HCN1: variants seen among roughly 807,000 people sequenced by gnomAD.
HCN1 encodes hyperpolarization activated cyclic nucleotide gated potassium channel 1.
In HCN1, 13 loss-of-function variants were observed where a neutral mutation model predicts 78.9. That is an observed-to-expected ratio of 0.16 (90% CI 0.11 to 0.26). The LOEUF (loss-of-function observed/expected upper bound fraction) is 0.26, where lower values mean the gene tolerates loss of function less well. Among genes scored for constraint, HCN1 ranks in the 10% least tolerant of loss-of-function variants. The probability of loss-of-function intolerance (pLI) is 1.00; values close to 1 mark genes in which losing one functional copy is unlikely to be tolerated. For missense variants in HCN1, 810 were observed against 1,154.3 expected, an observed-to-expected ratio of 0.70 and a Z score of 4.32; for synonymous variants, 552 against 455.5, an observed-to-expected ratio of 1.21 and a Z score of -2.70.
chr5:45,602,296 C>G (rs1022176253), intron 2 of HCN1, among the ~76,000 whole-genome samples: 2 of 151,972 alleles, frequency 1.3e-5, no homozygotes, highest in African/African-American at 4.8e-5. Context: ...GAAATTGTTA[C>G]CATAGGCCCT....
Position 45,290,884 on chromosome 5 carries a change from G to T in HCN1, c.1618+12715C>A, listed in dbSNP as rs144362060. Among the ~76,000 whole-genome samples, 147 of 151,916 alleles carry T rather than the reference G, an allele frequency of 9.7e-4. 1 individual carries two copies. In the East Asian group the frequency reaches 0.026, roughly 27 times the overall value. ...AAGGAAAAGACTATAAATAATATAT[G>T]AAAGGAAAAAAGAATCTTAAAAGTA... On this transcript the variant is annotated intron_variant, in intron 6 of 7. Transcript: ENST00000303230.
At chr5:45,695,351 C>G (rs932623933) in intron 1 of HCN1, among the ~76,000 whole-genome samples, 2 of 152,144 alleles carry the variant, frequency 1.3e-5, no homozygotes, top group East Asian at 3.9e-4. Flanking sequence ...GTAAAAGTTT[C>G]CCTTGTACAA....
chr5:45,638,826 C>A (rs1250615349), intron 2 of HCN1, among the ~76,000 whole-genome samples: 1 of 152,154 alleles, frequency 6.6e-6, no homozygotes, highest in East Asian at 1.9e-4. Flanking sequence ...CACTTGAACT[C>A]AGGAGGCAGA....
At chr5:45,331,375 A>G (rs1412192010) in intron 5 of HCN1, among the ~76,000 whole-genome samples, 3 of 151,290 alleles carry the variant, frequency 2.0e-5, no homozygotes, top group Non-Finnish European at 4.4e-5. Context: ...TATAAAATAC[A>G]CTTATTTTCC....
At position 45,261,153 on chromosome 5, in the gene HCN1, C is replaced by T. The variant is rs191386456; in HGVS notation, c.*768G>A. ...ATAAAACTAAATTCTTAAACAATGA[C>T]TTTTACCTTCATACAACACAGAATA... On this transcript the variant is annotated 3_prime_UTR_variant, in exon 8 of 8. Transcript: ENST00000303230. 6.5e-6 allele frequency: 1 copy of T among 152,678 alleles called. No individual in the cohort carries two copies. The highest frequency in any genetic ancestry group is 1.9e-4 in the East Asian group (1 of 5,188). The allele number at this position is 152,678 out of a possible 1,614,324, so 9.5% of individuals were successfully genotyped here. A position where few individuals can be genotyped will look rare whatever the true frequency, so the allele number is the denominator to read the frequency against.
At chr5:45,508,000 A>C (rs566764964) in intron 2 of HCN1, among the ~76,000 whole-genome samples, 2 of 152,250 alleles carry the variant, frequency 1.3e-5, no homozygotes, top group African/African-American at 2.4e-5. Context: ...TAATTCTATA[A>C]ATTCTGAAGA....
intron 6 of HCN1, among the ~76,000 whole-genome samples, chr5:45,288,355 A>T (rs759162092): frequency 6.6e-6 from 1 of 152,090 alleles, no homozygotes; most frequent in Non-Finnish European, 1.5e-5. Flanking sequence ...AATACTGTGA[A>T]CTAGAATAGG....
At chr5:45,653,413 G>A (rs1745713763) in intron 1 of HCN1, among the ~76,000 whole-genome samples, 1 of 151,958 alleles carries the variant, frequency 6.6e-6, no homozygotes, top group Non-Finnish European at 1.5e-5. Context: ...ACAATAATTT[G>A]ATAAAGACTG....
intron 2 of HCN1, among the ~76,000 whole-genome samples, chr5:45,550,822 C>T (rs1473203862): frequency 2.0e-5 from 3 of 151,934 alleles, no homozygotes; most frequent in Non-Finnish European, 4.4e-5. Context: ...ATTCACAAAT[C>T]TCCCATCTGC....
At chr5:45,408,555 A>G (rs901985373) in intron 3 of HCN1, among the ~76,000 whole-genome samples, 4 of 152,098 alleles carry the variant, frequency 2.6e-5, no homozygotes, top group Middle Eastern at 3.2e-3. Context: ...AGTACCATCT[A>G]TGATGTTTTC....
intron 5 of HCN1, among the ~76,000 whole-genome samples, chr5:45,345,499 C>A (rs1309021812): frequency 6.6e-6 from 1 of 152,154 alleles, no homozygotes; most frequent in Non-Finnish European, 1.5e-5. Flanking sequence ...AACTTTTGAA[C>A]ACTTTGCTGC....
At chr5:45,663,316 T>G (rs923412302) in intron 1 of HCN1, among the ~76,000 whole-genome samples, 2 of 141,570 alleles carry the variant, frequency 1.4e-5, no homozygotes, top group Non-Finnish European at 3.0e-5. Flanking sequence ...TCAAGATGGA[T>G]TAAAGATTTA....
At chr5:45,265,103 T>C (rs1014308655) in intron 7 of HCN1, among the ~76,000 whole-genome samples, 2 of 151,836 alleles carry the variant, frequency 1.3e-5, no homozygotes, top group Non-Finnish European at 2.9e-5. Flanking sequence ...GGCAGGAGAA[T>C]TGCTTGAACC....
At chr5:45,582,409 G>T (rs1036699311) in intron 2 of HCN1, among the ~76,000 whole-genome samples, 4 of 152,150 alleles carry the variant, frequency 2.6e-5, no homozygotes, top group African/African-American at 9.7e-5. Context: ...ATCACCTTAA[G>T]GAGATTTTGG....
intron 2 of HCN1, among the ~76,000 whole-genome samples, chr5:45,612,858 A>G (rs1744865620): frequency 6.6e-6 from 1 of 152,146 alleles, no homozygotes; most frequent in Non-Finnish European, 1.5e-5. Context: ...TTCCAGAGAA[A>G]CAAAGTGTGT....
intron 2 of HCN1, among the ~76,000 whole-genome samples, chr5:45,468,153 G>C (rs1223044776): frequency 1.3e-5 from 2 of 152,116 alleles, no homozygotes; most frequent in African/African-American, 4.8e-5. Context: ...TTCCCAAATG[G>C]TGTATCAAAA....
chr5:45,308,732 T>C (rs2111912815), intron 5 of HCN1, among the ~76,000 whole-genome samples: 1 of 152,290 alleles, frequency 6.6e-6, no homozygotes, highest in East Asian at 1.9e-4. Context: ...TATGAGTCTG[T>C]TCTTGTACCA....
intron 2 of HCN1, among the ~76,000 whole-genome samples, chr5:45,509,196 G>A (rs1742362332): frequency 6.6e-6 from 1 of 152,062 alleles, no homozygotes; most frequent in Non-Finnish European, 1.5e-5. Flanking sequence ...TTTGTAACTA[G>A]GAGTGCACCT....
rs1004618642 is a variant in HCN1, at chr5:45,345,610, C to T, written c.1377+7490G>A. On this transcript the variant is annotated intron_variant, in intron 5 of 7. Transcript: ENST00000303230. The stretch of plus-strand genomic sequence containing the variant: ...GGGCAAAATGCCACCAGTCTCTTTG[C>T]TAAAGCATAACAAGAGTCACCTTTG... Among the ~76,000 whole-genome samples, 18 of 152,330 alleles carry T rather than the reference C, an allele frequency of 1.2e-4. 1 individual carries two copies. Among genetic ancestry groups the T allele is most frequent in the African/African-American group, 4.1e-4 (17 of 41,580 alleles).
Sources: allele counts gnomAD v4.1 joint callset (sites outside exome capture counted in the v4.1 genomes callset), GRCh38; gene constraint gnomAD v4.1.1; transcripts MANE v1.5; gene names NCBI Gene and HGNC (gene_info 2026-07-23, HGNC 2026-07-21).